DPP10: variants seen among roughly 807,000 people sequenced by gnomAD.
DPP10 encodes the protein inactive dipeptidyl peptidase 10.
Under a neutral mutation model 120.9 loss-of-function variants are expected in DPP10, and 33 were observed. The ratio of observed to expected loss-of-function variants is 0.27; its 90% confidence interval spans 0.21 to 0.37. The LOEUF is 0.37. Among genes scored for constraint, DPP10 ranks in the 10% least tolerant of loss-of-function variants. DPP10 has a pLI of 1.00. For missense variants in DPP10, 816 were observed against 942.8 expected (o/e 0.87, Z 1.76); for synonymous variants, 337 against 326.1 (o/e 1.03, Z -0.36).
intron 1 of DPP10, among the ~76,000 whole-genome samples, chr2:114,675,357 A>G (rs187280682): frequency 5.3e-5 from 8 of 152,216 alleles, no homozygotes; most frequent in Non-Finnish European, 7.4e-5. Flanking sequence ...TTGTAAAAAG[A>G]GAGAAATGTT....
intron 1 of DPP10, among the ~76,000 whole-genome samples, chr2:114,443,938 C>T (rs1032427791): frequency 6.6e-6 from 1 of 152,068 alleles, no homozygotes; most frequent in African/African-American, 2.4e-5. Context: ...ATTTACCTAC[C>T]GTTTGCCAGA....
intron 1 of DPP10, among the ~76,000 whole-genome samples, chr2:114,596,723 T>G (rs949175984): frequency 2.0e-5 from 3 of 151,968 alleles, no homozygotes; most frequent in Non-Finnish European, 4.4e-5. Flanking sequence ...TTCCTAATGA[T>G]AAAACTGAGG....
At chr2:115,120,346 T>G (rs2049758873) in intron 1 of DPP10, among the ~76,000 whole-genome samples, 1 of 152,158 alleles carries the variant, frequency 6.6e-6, no homozygotes, top group Non-Finnish European at 1.5e-5. Context: ...CTCCTGGGGA[T>G]TTGAAGATGT....
chr2:115,099,443 A>G (rs2048574119), intron 1 of DPP10, among the ~76,000 whole-genome samples: 1 of 152,186 alleles, frequency 6.6e-6, no homozygotes, highest in Non-Finnish European at 1.5e-5. Context: ...CTATCACTTT[A>G]TTTGTCTCCT....
intron 2 of DPP10, among the ~76,000 whole-genome samples, chr2:115,333,770 A>T (rs981616984): frequency 2.6e-5 from 4 of 152,006 alleles, no homozygotes; most frequent in African/African-American, 7.2e-5. Context: ...CTTCTGGCTT[A>T]TAGGGTTTCT....
intron 1 of DPP10, among the ~76,000 whole-genome samples, chr2:115,281,883 A>G (rs534024296): frequency 2.0e-5 from 3 of 152,248 alleles, no homozygotes; most frequent in Admixed American, 6.5e-5. Flanking sequence ...AAATACTGAG[A>G]AATTTTAGAA....
chr2:114,601,679 T>G (rs1692378882), intron 1 of DPP10, among the ~76,000 whole-genome samples: 1 of 152,032 alleles, frequency 6.6e-6, no homozygotes. Context: ...AAGCTTGGGT[T>G]AAGCTCTTGG....
At chr2:115,613,300 A>G (rs1049100907) in intron 5 of DPP10, among the ~76,000 whole-genome samples, 5 of 152,200 alleles carry the variant, frequency 3.3e-5, no homozygotes, top group Non-Finnish European at 7.3e-5. Context: ...TGCTTAGCCA[A>G]GTCTCTACTG....
chr2:115,586,129 C>T (rs982640118), intron 5 of DPP10, among the ~76,000 whole-genome samples: 8 of 152,056 alleles, frequency 5.3e-5, no homozygotes, highest in African/African-American at 1.7e-4. Context: ...TCAAGACCAG[C>T]CTGATCAACA....
chr2:114,478,124 C>T (rs1381785887), intron 1 of DPP10, among the ~76,000 whole-genome samples: 1 of 151,758 alleles, frequency 6.6e-6, no homozygotes, highest in Non-Finnish European at 1.5e-5. Flanking sequence ...ACCACACAGA[C>T]AGTATAAAAA....
At chr2:114,907,922 T>C (rs1336553705) in intron 1 of DPP10, among the ~76,000 whole-genome samples, 1 of 152,092 alleles carries the variant, frequency 6.6e-6, no homozygotes, top group Non-Finnish European at 1.5e-5. Context: ...TTCCAACTAC[T>C]ATTGTTGAAG....
At chr2:115,022,489 A>T (rs2105184566) in intron 1 of DPP10, among the ~76,000 whole-genome samples, 1 of 152,276 alleles carries the variant, frequency 6.6e-6, no homozygotes, top group South Asian at 2.1e-4. Context: ...ACACTGCTGA[A>T]AGAAAACATA....
intron 1 of DPP10, among the ~76,000 whole-genome samples, chr2:115,173,582 A>G (rs911388853): frequency 6.6e-6 from 1 of 152,220 alleles, no homozygotes; most frequent in East Asian, 1.9e-4. Context: ...GCCAATTTTT[A>G]AGGAGAAAAT....
intron 2 of DPP10, among the ~76,000 whole-genome samples, chr2:115,319,476 T>C (rs1427803018): frequency 1.3e-5 from 2 of 152,154 alleles, no homozygotes; most frequent in Admixed American, 6.6e-5. Flanking sequence ...TGTTAATTCT[T>C]CTAAATGTTA....
chr2:115,740,009 T>G, intron 9 of DPP10, 116 bp downstream of exon 9: 1 of 1,154,208 alleles, frequency 8.7e-7, no homozygotes. Context: ...AAGTTTTCCT[T>G]ACTTGTCAGA....
At chr2:114,667,446 G>C (rs975071305) in intron 1 of DPP10, among the ~76,000 whole-genome samples, 1 of 152,158 alleles carries the variant, frequency 6.6e-6, no homozygotes, top group African/African-American at 2.4e-5. Flanking sequence ...AAATGCAAAT[G>C]AATTAGGTAT....
chr2:115,437,413 A>G (rs1485565285), intron 3 of DPP10, among the ~76,000 whole-genome samples: 1 of 152,062 alleles, frequency 6.6e-6, no homozygotes, highest in African/African-American at 2.4e-5. Flanking sequence ...TGCCATTCAA[A>G]TCACTACACA....
chr2:114,810,315 G>C lies in DPP10; in HGVS notation c.60+367477G>C, dbSNP rs747245333. Among the ~76,000 whole-genome samples, 36 of 152,264 alleles carry C rather than the reference G, an allele frequency of 2.4e-4. 1 individual carries two copies. In the Middle Eastern group the frequency reaches 0.01, roughly 43 times the overall value. ...ACGTCAGCTCTTTCTGAATTCTGAC[G>C]CACAGATCAAAGCTTGGTAAGTCTT... On this transcript the variant is annotated intron_variant, in intron 1 of 25. Transcript: ENST00000410059.
At chr2:115,169,705 T>G (rs2053172175) in intron 1 of DPP10, among the ~76,000 whole-genome samples, 1 of 152,174 alleles carries the variant, frequency 6.6e-6, no homozygotes, top group African/African-American at 2.4e-5. Flanking sequence ...AGTTGAAATT[T>G]AAGAAAAGTT....
Sources: allele counts gnomAD v4.1 joint callset (sites outside exome capture counted in the v4.1 genomes callset), GRCh38; gene constraint gnomAD v4.1.1; transcripts MANE v1.5; gene names NCBI Gene and HGNC (gene_info 2026-07-23, HGNC 2026-07-21).